SMYD3: variants seen among roughly 807,000 people sequenced by gnomAD.
SMYD3 encodes the protein histone-lysine N-methyltransferase SMYD3.
A neutral mutation model predicts 57.7 loss-of-function variants in SMYD3; 36 were observed. The ratio of observed to expected loss-of-function variants is 0.62; its 90% CI spans 0.48 to 0.82. The LOEUF is 0.82. SMYD3 is among the 40% of genes least tolerant of loss of function. SMYD3 has a pLI of 0.00. For synonymous variants in SMYD3, 211 were observed against 195.0 expected (o/e 1.08, Z -0.68); for missense variants, 515 against 538.8 (o/e 0.96, Z 0.44).
At chr1:246,151,172 G>C (rs2061935524) in intron 5 of SMYD3, among the ~76,000 whole-genome samples, 1 of 151,736 alleles carries the variant, frequency 6.6e-6, no homozygotes, top group Admixed American at 6.6e-5. Flanking sequence ...CTTGAATTCA[G>C]GGGACAGAGG....
intron 10 of SMYD3, among the ~76,000 whole-genome samples, chr1:245,835,889 C>A (rs756419701): frequency 6.6e-6 from 1 of 152,180 alleles, no homozygotes; most frequent in Non-Finnish European, 1.5e-5. Flanking sequence ...TCTCCGTCGA[C>A]GTGACTTGTT....
intron 5 of SMYD3, among the ~76,000 whole-genome samples, chr1:246,136,805 C>A (rs901304374): frequency 6.6e-6 from 1 of 152,134 alleles, no homozygotes; most frequent in African/African-American, 2.4e-5. Context: ...TGCAGACAGT[C>A]CTAAATGTCA....
chr1:246,302,716 T>C (rs542132183), intron 5 of SMYD3, among the ~76,000 whole-genome samples: 1 of 152,264 alleles, frequency 6.6e-6, no homozygotes, highest in African/African-American at 2.4e-5. Flanking sequence ...ATGTGGAAAC[T>C]GACCCAATAT....
rs918228813 is a variant in SMYD3 at position 246,152,756 on chromosome 1, G to T, written c.531+174445C>A. ...GGAATTAACATTACGTATTTTTGTT[G>T]TTGTTTTCAAAGACAGAGTCTCATC... On this transcript the variant is annotated intron_variant, in intron 5 of 11. Transcript: ENST00000490107. Among the ~76,000 whole-genome samples, 64 of 152,254 alleles carry T rather than the reference G, an allele frequency of 4.2e-4. 1 individual carries two copies. Among genetic ancestry groups the T allele is most frequent in the African/African-American group, 1.4e-3 (59 of 41,534 alleles).
intron 1 of SMYD3, among the ~76,000 whole-genome samples, chr1:246,454,666 T>C (rs916810244): frequency 6.6e-6 from 1 of 152,212 alleles, no homozygotes; most frequent in Non-Finnish European, 1.5e-5. Context: ...ATCATCCTAT[T>C]TCATTAAAAC....
At chr1:246,331,965 G>A (rs2065468905) in intron 3 of SMYD3, among the ~76,000 whole-genome samples, 1 of 41,574 alleles carries the variant, frequency 2.4e-5, no homozygotes, top group South Asian at 5.4e-4. Context: ...TCACTGCTCC[G>A]CCGACCGGCT....
At chr1:246,130,181 G>A (rs886286644) in intron 5 of SMYD3, among the ~76,000 whole-genome samples, 2 of 152,062 alleles carry the variant, frequency 1.3e-5, no homozygotes, top group Non-Finnish European at 2.9e-5. Flanking sequence ...ATAAATGGAG[G>A]GAACTCTTCA....
intron 5 of SMYD3, among the ~76,000 whole-genome samples, chr1:246,117,212 A>G (rs546118818): frequency 9.5e-4 from 145 of 152,346 alleles, no homozygotes; most frequent in African/African-American, 3.3e-3. Flanking sequence ...AATCCGAATC[A>G]TGTTATCTGA....
chr1:246,146,908 A>G (rs2061852146), intron 5 of SMYD3, among the ~76,000 whole-genome samples: 1 of 152,182 alleles, frequency 6.6e-6, no homozygotes, highest in African/African-American at 2.4e-5. Flanking sequence ...CAATCACTGC[A>G]GCAAACTGAC....
chr1:245,801,209 A>C (rs10924339), intron 10 of SMYD3, among the ~76,000 whole-genome samples: 37,886 of 152,206 alleles, frequency 0.25, 5,631 homozygotes, highest in East Asian at 0.68. Context: ...AATGTTTAAA[A>C]TAGCTAAACT....
intron 5 of SMYD3, among the ~76,000 whole-genome samples, chr1:246,073,717 A>AAAAT (rs1416468750): frequency 6.6e-6 from 1 of 152,172 alleles, no homozygotes; most frequent in African/African-American, 2.4e-5. Context: ...ACTCTGTCTC[A>AAAAT]AAATAAATAA....
intron 1 of SMYD3, among the ~76,000 whole-genome samples, chr1:246,456,244 C>T (rs1468638580): frequency 6.6e-6 from 1 of 152,182 alleles, no homozygotes. Flanking sequence ...TGAGTTGCTC[C>T]GATTGTCAAC....
At chr1:246,026,321 T>C (rs527250232) in intron 5 of SMYD3, among the ~76,000 whole-genome samples, 2 of 152,328 alleles carry the variant, frequency 1.3e-5, no homozygotes, top group African/African-American at 2.4e-5. Flanking sequence ...CCTGCATCTA[T>C]AGGATATACA....
intron 5 of SMYD3, among the ~76,000 whole-genome samples, chr1:246,241,720 T>G (rs1275844402): frequency 7.0e-6 from 1 of 143,586 alleles, no homozygotes; most frequent in African/African-American, 2.5e-5. Context: ...ATCCATCTGG[T>G]CCTGAACTTT....
chr1:246,441,416 T>C (rs1035883266), intron 1 of SMYD3, among the ~76,000 whole-genome samples: 1 of 152,192 alleles, frequency 6.6e-6, no homozygotes, highest in Non-Finnish European at 1.5e-5. Context: ...CCATTCACTA[T>C]ATTGAGGAGG....
chr1:245,922,746 A>G (rs1030196245), intron 7 of SMYD3, among the ~76,000 whole-genome samples: 2 of 152,198 alleles, frequency 1.3e-5, no homozygotes, highest in African/African-American at 2.4e-5. Flanking sequence ...TGTTACTTCA[A>G]TCCTGAGAAT....
At chr1:245,932,531 A>C in intron 5 of SMYD3, among the ~76,000 whole-genome samples, 1 of 152,140 alleles carries the variant, frequency 6.6e-6, no homozygotes, top group Non-Finnish European at 1.5e-5. Context: ...TACCTGGCTC[A>C]AAGCCTGGCA....
chr1:245,981,790 G>A (rs1180080451), intron 5 of SMYD3, among the ~76,000 whole-genome samples: 1 of 152,212 alleles, frequency 6.6e-6, no homozygotes, highest in East Asian at 1.9e-4. Flanking sequence ...AAGTAAGAAG[G>A]GGTCCTTTAA....
intron 5 of SMYD3, among the ~76,000 whole-genome samples, chr1:245,950,798 C>T (rs2057605369): frequency 6.6e-6 from 1 of 152,226 alleles, no homozygotes; most frequent in South Asian, 2.1e-4. Context: ...TTAAGCAGTG[C>T]CATTTCCCTT....
Sources: gnomAD v4.1 joint callset for allele counts (sites outside exome capture counted in the v4.1 genomes callset) on GRCh38, gnomAD v4.1.1 for gene constraint, MANE v1.5 for transcripts, NCBI Gene and HGNC (gene_info 2026-07-23, HGNC 2026-07-21) for gene names.